OPTN: variants seen among roughly 807,000 people sequenced by gnomAD.
The protein encoded by OPTN is E3-14.7K-interacting protein.
OPTN carries 54 observed loss-of-function variants against 70.4 expected under a neutral mutation model. That is an observed-to-expected ratio of 0.77 (90% CI 0.62 to 0.96). OPTN has a LOEUF of 0.96. Among genes scored for constraint, OPTN ranks in the 40% least tolerant of loss-of-function variants. The probability of loss-of-function intolerance (pLI) is 0.00; values close to 1 mark genes in which losing one functional copy is unlikely to be tolerated. For synonymous variants in OPTN, 256 were observed against 248.5 expected (o/e 1.03, Z -0.28); for missense variants, 624 against 673.2 (o/e 0.93, Z 0.81).
Position 13,137,140 on chromosome 10 carries a change from A to G in OPTN, c.*274A>G. On this transcript the variant is annotated 3_prime_UTR_variant, in exon 15 of 15. Transcript: ENST00000378747. Reference sequence around the variant, plus strand: ...CCAAAATTACAAAAATTAGCCGAGCATGGTGGCGCATGCCTGTAGTCGCAG... The same window carrying G: ...CCAAAATTACAAAAATTAGCCGAGCGTGGTGGCGCATGCCTGTAGTCGCAG... 2.2e-6 allele frequency: 1 copy of G among 457,250 alleles called. No homozygotes were observed. Among genetic ancestry groups the G allele is most frequent in the Non-Finnish European group, 4.1e-6 (1 of 244,768 alleles). The allele number at this position is 457,250 out of a possible 1,614,324, so 28.3% of individuals were successfully genotyped here.
intron 5 of OPTN, among the ~76,000 whole-genome samples, chr10:13,115,463 A>AT (rs1237422228): frequency 5.0e-5 from 5 of 100,554 alleles, no homozygotes; most frequent in African/African-American, 2.6e-4. Flanking sequence ...TATATTATAT[A>AT]ATATAGAATA....
At chr10:13,109,365 G>C (rs926469313) in intron 3 of OPTN, 77 bp downstream of exon 3, 3 of 1,464,994 alleles carry the variant, frequency 2.0e-6, no homozygotes, top group African/African-American at 2.8e-5. Flanking sequence ...CTAAGGCTTG[G>C]TGGTGAGCTC....
chr10:13,108,632 T>C (rs944687874), intron 2 of OPTN, among the ~76,000 whole-genome samples: 7 of 151,826 alleles, frequency 4.6e-5, no homozygotes, highest in South Asian at 2.1e-4. Flanking sequence ...CTGCAAGCTC[T>C]GCCTCCCGGG....
chr10:13,118,399 C>G (rs1833266501), intron 6 of OPTN, among the ~76,000 whole-genome samples: 1 of 152,212 alleles, frequency 6.6e-6, no homozygotes, highest in Non-Finnish European at 1.5e-5. Flanking sequence ...TTTCTCTGCT[C>G]TCATTATTTG....
chr10:13,125,883 C>A, intron 10 of OPTN, 63 bp from the exon 11 acceptor site: 1 of 1,236,826 alleles, frequency 8.1e-7, no homozygotes, highest in Middle Eastern at 1.9e-4. Flanking sequence ...GGTTGGGAGG[C>A]AAGACTATAA....
chr10:13,100,893 G>A (rs1439059263), intron 1 of OPTN, among the ~76,000 whole-genome samples: 1 of 152,222 alleles, frequency 6.6e-6, no homozygotes, highest in African/African-American at 2.4e-5. Flanking sequence ...CCCAGGTTCC[G>A]ACCTGGCCTC....
intron 1 of OPTN, among the ~76,000 whole-genome samples, chr10:13,101,786 T>G (rs906684971): frequency 2.0e-5 from 3 of 152,130 alleles, no homozygotes; most frequent in African/African-American, 4.8e-5. Flanking sequence ...GAAAGGAGGA[T>G]TTTGAGAATC....
chr10:13,121,328 G>C (rs976433224), intron 7 of OPTN, among the ~76,000 whole-genome samples: 53 of 151,990 alleles, frequency 3.5e-4, no homozygotes, highest in African/African-American at 1.3e-3. Flanking sequence ...TTTAGGATCA[G>C]CTTGTTAATT....
chr10:13,115,112 A>G (rs1240452993), intron 5 of OPTN, among the ~76,000 whole-genome samples: 1 of 91,070 alleles, frequency 1.1e-5, no homozygotes, highest in East Asian at 3.4e-4. Context: ...TTTTATATAT[A>G]TTATATATAT....
chr10:13,121,588 G>C (rs1833353536), intron 7 of OPTN, among the ~76,000 whole-genome samples: 1 of 148,594 alleles, frequency 6.7e-6, no homozygotes, highest in African/African-American at 2.5e-5. Context: ...TAGGGGGAAA[G>C]CTAAGGCCCC....
intron 6 of OPTN, 193 bp downstream of exon 6, chr10:13,116,533 T>TCAC: frequency 1.6e-6 from 1 of 644,984 alleles, no homozygotes; most frequent in South Asian, 1.7e-5. Context: ...TAAAAACTGT[T>TCAC]TGGTTCCTGT....
chr10:13,115,209 T>TTACATATATATATAAATATAGATATATC (rs1833141881), intron 5 of OPTN, among the ~76,000 whole-genome samples: 1 of 57,158 alleles, frequency 1.7e-5, no homozygotes, highest in Non-Finnish European at 3.1e-5. Context: ...ATATCTATAT[T>TTACATATATATATAAATATAGATATATC]TATATATATA....
rs1833449642 is a variant in OPTN, at chr10:13,125,951, A to T, written c.1154A>T (p.Lys385Ile). Residue 385 changes from lysine (K) to isoleucine (I), a missense_variant, in exon 11 of 15, where the codon AAA becomes ATA. Lys to Ile is a moderately radical substitution (Grantham distance 102). Transcript: ENST00000378747. ...TTTAATATCTTTTTTAATAGGTCCAAATTAACTGTGCTACAGATGACACAC... is the reference window on the plus strand; with the variant it reads ...TTTAATATCTTTTTTAATAGGTCCATATTAACTGTGCTACAGATGACACAC... Reference protein sequence around the residue: ...EQAKTEDEKSKLTVLQMTHNK... With the variant: ...EQAKTEDEKSILTVLQMTHNK... 2.5e-6 allele frequency: 4 copies of T among 1,606,444 alleles called. No individual in the cohort carries two copies. The highest frequency in any genetic ancestry group is 3.4e-6 in the Non-Finnish European group (4 of 1,173,078).
intron 5 of OPTN, among the ~76,000 whole-genome samples, chr10:13,114,547 G>A (rs1381524088): frequency 1.1e-4 from 17 of 151,142 alleles, no homozygotes; most frequent in African/African-American, 3.4e-4. Context: ...GTGTAAACAC[G>A]TTTTGCATGC....
rs767786342 is a variant in OPTN, at chr10:13,110,459, T to A, written c.352T>A (p.Ser118Thr). Residue 118 changes from serine to threonine, a missense_variant, in exon 4 of 15, where the codon TCA (serine) becomes ACA (threonine). By Grantham distance (58) the Ser-to-Thr change is moderately conservative. Transcript: ENST00000378747. ...AGAGCTTGGAAAACTAAAAGGGAAATCAGAAAGGTCATCTGAGGTGAGCAG... is the reference window on the plus strand; with the variant it reads ...AGAGCTTGGAAAACTAAAAGGGAAAACAGAAAGGTCATCTGAGGTGAGCAG... ...KEELGKLKGK[S>T]ERSSEDPTDD... is the part of the protein sequence containing the mutation. 1 of 1,613,018 alleles carries A rather than the reference T, an allele frequency of 6.2e-7. No homozygotes were observed. Among genetic ancestry groups the A allele is most frequent in the East Asian group, 2.2e-5 (1 of 44,868 alleles).
rs930924556 is a variant in OPTN, at chr10:13,136,920, C to T, written c.*54C>T. On this transcript the variant is annotated 3_prime_UTR_variant, in exon 15 of 15. Coordinates refer to ENST00000378747, the MANE Select transcript of OPTN (RefSeq NM_001008212.2). The stretch of plus-strand genomic sequence containing the variant: ...TTGGTAAATGTCAGATTTTTTCCTC[C>T]AAGAGTTGTGCTTTTGTGTTATTTG... 2.2e-5 allele frequency: 35 copies of T among 1,608,254 alleles called. No individual in the cohort carries two copies. The African/African-American group carries it at 3.7e-4, about 17-fold the overall frequency.
At chr10:13,132,544 C>A (rs1833615935) in intron 13 of OPTN, among the ~76,000 whole-genome samples, 1 of 151,818 alleles carries the variant, frequency 6.6e-6, no homozygotes, top group African/African-American at 2.4e-5. Flanking sequence ...GAGGCAGGGT[C>A]TCACTCCTGT....
intron 7 of OPTN, among the ~76,000 whole-genome samples, chr10:13,120,205 G>A (rs1309074692): frequency 6.6e-6 from 1 of 151,416 alleles, no homozygotes; most frequent in East Asian, 1.9e-4. Context: ...AGCCAGGATG[G>A]TCTCGATCTC....
At chr10:13,133,111 T>C (rs889824737) in intron 13 of OPTN, among the ~76,000 whole-genome samples, 12 of 152,192 alleles carry the variant, frequency 7.9e-5, no homozygotes, top group Non-Finnish European at 1.8e-4. Flanking sequence ...AATATTGATT[T>C]CTCTGTGTTT....
Sources: gnomAD v4.1 joint callset for allele counts (sites outside exome capture counted in the v4.1 genomes callset) on GRCh38, gnomAD v4.1.1 for gene constraint, MANE v1.5 for transcripts, NCBI Gene and HGNC (gene_info 2026-07-23, HGNC 2026-07-21) for gene names.